Variants in ERG observed in about 807,000 individuals in gnomAD.
The protein encoded by ERG is transcriptional regulator ERG.
ERG carries 9 observed loss-of-function variants against 55.3 expected under a neutral mutation model. The ratio of observed to expected loss-of-function variants is 0.16; its 90% confidence interval spans 0.10 to 0.28. The LOEUF (loss-of-function observed/expected upper bound fraction) is 0.28. Among genes scored for constraint, ERG ranks in the 10% least tolerant of loss-of-function variants. The probability of loss-of-function intolerance (pLI) is 1.00; values close to 1 mark genes in which losing one functional copy is unlikely to be tolerated. For synonymous variants in ERG, 223 were observed against 237.3 expected, an observed-to-expected ratio of 0.94 and a Z score of 0.55; for missense variants, 434 against 631.6, an observed-to-expected ratio of 0.69 and a Z score of 3.35.
At chr21:38,435,635 A>G (rs1221851641) in intron 2 of ERG, among the ~76,000 whole-genome samples, 5 of 152,180 alleles carry the variant, frequency 3.3e-5, no homozygotes, top group African/African-American at 1.2e-4. Flanking sequence ...CCAGCTCACC[A>G]ACAGTTAGTT....
At chr21:38,399,545 G>A (rs940554427) in intron 6 of ERG, among the ~76,000 whole-genome samples, 4 of 152,210 alleles carry the variant, frequency 2.6e-5, no homozygotes, top group African/African-American at 9.6e-5. Flanking sequence ...TGTGAGGCTG[G>A]TACAATGATA....
chr21:38,509,783 C>T (rs919359427), intron 2 of ERG, among the ~76,000 whole-genome samples: 10 of 152,092 alleles, frequency 6.6e-5, no homozygotes, highest in African/African-American at 2.4e-4. Flanking sequence ...AAATGAGAAG[C>T]AGAGGGAGAG....
intron 3 of ERG, among the ~76,000 whole-genome samples, chr21:38,404,128 A>C (rs1465782084): frequency 6.6e-6 from 1 of 152,216 alleles, no homozygotes; most frequent in African/African-American, 2.4e-5. Flanking sequence ...AGTAAGCCAC[A>C]CATATCAGGA....
rs148340824 is a variant in ERG, at chr21:38,574,769, C to A, written c.-41+893G>T. 7.2e-5 allele frequency among the ~76,000 whole-genome samples: 11 copies of A among 152,244 alleles called. No individual in the cohort carries two copies. In the East Asian group the frequency reaches 1.7e-3, roughly 24 times the overall value. On this transcript the variant is annotated intron_variant, in intron 2 of 8. Coordinates refer to the ERG transcript ENST00000398897. ...GGCAAGGAATATACATTAGTAAAACCAACCACACCACTTAGGGAAAATGAA... is the reference window on the plus strand; with the variant it reads ...GGCAAGGAATATACATTAGTAAAACAAACCACACCACTTAGGGAAAATGAA...
rs549972689 is a variant in ERG at position 38,637,713 on chromosome 21, C to T, written c.-150+23945G>A. On this transcript the variant is annotated intron_variant, in intron 1 of 10. Coordinates refer to the ERG transcript ENST00000398910. ...CGTTTTTAACTTACTGTAATATCAACTGTCTGTGGTAGCCTGTTCACTTGC... is the reference window on the plus strand; with the variant it reads ...CGTTTTTAACTTACTGTAATATCAATTGTCTGTGGTAGCCTGTTCACTTGC... Among the ~76,000 whole-genome samples the T allele has an allele frequency of 2.7e-4, 41 of 152,288 alleles. No homozygotes were observed. The South Asian group carries it at 8.3e-3, about 31-fold the overall frequency.
intron 2 of ERG, among the ~76,000 whole-genome samples, chr21:38,573,993 T>A (rs145508554): frequency 6.6e-6 from 1 of 152,360 alleles, no homozygotes; most frequent in East Asian, 1.9e-4. Context: ...TGTATGGGAT[T>A]GTTTCACCTT....
chr21:38,426,302 G>T (rs143354830), intron 2 of ERG, among the ~76,000 whole-genome samples: 21 of 152,328 alleles, frequency 1.4e-4, no homozygotes, highest in African/African-American at 4.8e-4. Context: ...AACACAGAGT[G>T]TCTTCACTTA....
intron 2 of ERG, among the ~76,000 whole-genome samples, chr21:38,528,433 CTTTTTTTTTTTTTT>C (rs869069278): frequency 8.5e-5 from 2 of 23,500 alleles, no homozygotes; most frequent in East Asian, 8.7e-4. Flanking sequence ...CCATAGCAAA[CTTTTTTTTTTTTTT>C]TTTTTTTTTT....
chr21:38,614,095 T>G (rs1601315518), intron 1 of ERG, among the ~76,000 whole-genome samples: 1 of 152,184 alleles, frequency 6.6e-6, no homozygotes, highest in East Asian at 1.9e-4. Flanking sequence ...AGGCTTCATA[T>G]GCAATGGAAG....
intron 2 of ERG, among the ~76,000 whole-genome samples, chr21:38,520,699 GA>G (rs746771365): frequency 1.3e-5 from 2 of 152,176 alleles, no homozygotes; most frequent in Non-Finnish European, 2.9e-5. Context: ...GTTTCTGCAG[GA>G]AGACCTATCA....
intron 2 of ERG, among the ~76,000 whole-genome samples, chr21:38,537,258 C>A (rs2045692140): frequency 6.6e-6 from 1 of 152,018 alleles, no homozygotes; most frequent in Non-Finnish European, 1.5e-5. Context: ...TTTCACAAGC[C>A]TGTCTTGAAT....
intron 1 of ERG, chr21:38,471,668 T>C (rs2059140369): frequency 6.6e-6 from 1 of 152,240 alleles, no homozygotes; most frequent in Non-Finnish European, 1.5e-5. Context: ...GGAGAAAATG[T>C]ATTCAAATCA....
At chr21:38,405,096 T>C (rs1217506432) in intron 3 of ERG, among the ~76,000 whole-genome samples, 1 of 152,198 alleles carries the variant, frequency 6.6e-6, no homozygotes, top group African/African-American at 2.4e-5. Flanking sequence ...TCCATTCTCC[T>C]ACTGCAAACA....
chr21:38,444,743 A>G (rs2058873732), intron 2 of ERG, among the ~76,000 whole-genome samples: 1 of 151,236 alleles, frequency 6.6e-6, no homozygotes, highest in Non-Finnish European at 1.5e-5. Flanking sequence ...AAAAAAAACA[A>G]ACAGCAGGCA....
rs1472434831 is a variant in ERG at position 38,660,550 on chromosome 21, GGCGTGTCCCGCACGTGTGTGTCCGC to G, written c.-150+1083_-150+1107del. 3.3e-5 allele frequency: 5 copies of G among 152,368 alleles called. No individual in the cohort carries two copies. The South Asian group carries it at 6.2e-4, about 19-fold the overall frequency. The allele number at this position is 152,368 out of a possible 1,614,324, so 9.4% of individuals were successfully genotyped here. On this transcript the variant is annotated intron_variant, in intron 1 of 10. Transcript: ENST00000398910. The stretch of plus-strand genomic sequence containing the variant: ...GAGGTTAGCGCCGCCGTCGGGGGAG[GGCGTGTCCCGCACGTGTGTGTCCGC>G]GCGTGTCCGCGCCCGCGTGTGCCAG...
At chr21:38,505,688 G>A (rs1465992191) in intron 2 of ERG, among the ~76,000 whole-genome samples, 2 of 152,184 alleles carry the variant, frequency 1.3e-5, no homozygotes, top group African/African-American at 4.8e-5. Flanking sequence ...CTGCGCGGTT[G>A]CCTGGTGGAG....
chr21:38,386,120 A>C (rs1987680065), intron 9 of ERG, among the ~76,000 whole-genome samples: 2 of 152,326 alleles, frequency 1.3e-5, no homozygotes, highest in South Asian at 4.1e-4. Flanking sequence ...CTATTTCTGA[A>C]GAGTTAGAAA....
At chr21:38,455,865 C>T (rs1297662740) in intron 1 of ERG, among the ~76,000 whole-genome samples, 7 of 141,858 alleles carry the variant, frequency 4.9e-5, no homozygotes, top group South Asian at 2.4e-4. Flanking sequence ...ATAATTGGTA[C>T]GGTCCCCCCC....
chr21:38,600,712 G>T (rs2060159681), intron 1 of ERG, among the ~76,000 whole-genome samples: 1 of 152,184 alleles, frequency 6.6e-6, no homozygotes, highest in Admixed American at 6.5e-5. Context: ...AGAACCAGTT[G>T]AATGTAGAAT....
Sources: gnomAD v4.1 joint callset for allele counts (sites outside exome capture counted in the v4.1 genomes callset) on GRCh38, gnomAD v4.1.1 for gene constraint, MANE v1.5 for transcripts, NCBI Gene and HGNC (gene_info 2026-07-23, HGNC 2026-07-21) for gene names.